SNX10: variants seen among roughly 807,000 people sequenced by gnomAD.
SNX10 encodes sorting nexin 10, also known as sorting nexin-10.
SNX10 carries 25 observed loss-of-function variants against 28.5 expected under a neutral mutation model. The observed-to-expected ratio is 0.88, with a 90% CI of 0.64 to 1.22. SNX10 has a LOEUF of 1.22. Among genes scored for constraint, SNX10 ranks in the 50% most tolerant of loss-of-function variants. The probability of loss-of-function intolerance (pLI) is 0.00; values close to 1 mark genes in which losing one functional copy is unlikely to be tolerated. For missense variants in SNX10, 223 were observed against 242.6 expected, an observed-to-expected ratio of 0.92 and a Z score of 0.54; for synonymous variants, 62 against 81.4, an observed-to-expected ratio of 0.76 and a Z score of 1.28.
At chr7:26,311,482 T>TA (rs1309306175) in intron 1 of SNX10, among the ~76,000 whole-genome samples, 3 of 152,208 alleles carry the variant, frequency 2.0e-5, no homozygotes, top group African/African-American at 7.2e-5. Context: ...AGGCATAAGA[T>TA]ACTCTTGTAG....
chr7:26,298,650 G>A (rs780228700), intron 1 of SNX10, among the ~76,000 whole-genome samples: 4 of 152,118 alleles, frequency 2.6e-5, no homozygotes, highest in Non-Finnish European at 4.4e-5. Context: ...GAGCCAAAAT[G>A]GAAAATGTTC....
intron 1 of SNX10, among the ~76,000 whole-genome samples, chr7:26,305,608 A>T (rs1786557813): frequency 1.3e-5 from 2 of 152,174 alleles, no homozygotes; most frequent in South Asian, 4.1e-4. Context: ...TCAGACCCTG[A>T]GAAACTGAGC....
At chr7:26,369,561 A>G (rs969935349) in intron 5 of SNX10, among the ~76,000 whole-genome samples, 7 of 152,160 alleles carry the variant, frequency 4.6e-5, no homozygotes, top group Non-Finnish European at 7.4e-5. Context: ...AGAGAAACAG[A>G]GGAGATTCCA....
At chr7:26,363,022 G>C (rs565648843) in intron 3 of SNX10, among the ~76,000 whole-genome samples, 1 of 152,180 alleles carries the variant, frequency 6.6e-6, no homozygotes, top group East Asian at 1.9e-4. Context: ...TGGTGGTCTG[G>C]GATTCTTTAG....
intron 1 of SNX10, among the ~76,000 whole-genome samples, chr7:26,320,237 C>T (rs575470047): frequency 6.6e-6 from 1 of 152,042 alleles, no homozygotes; most frequent in Non-Finnish European, 1.5e-5. Context: ...CTGCCTCGCC[C>T]TCCCAAAGTA....
intron 1 of SNX10, among the ~76,000 whole-genome samples, chr7:26,330,774 A>G (rs1787716682): frequency 6.6e-6 from 1 of 152,068 alleles, no homozygotes; most frequent in African/African-American, 2.4e-5. Flanking sequence ...AGTCGCAGCT[A>G]CTCGGGAGGC....
At chr7:26,316,132 C>T (rs534592692) in intron 1 of SNX10, among the ~76,000 whole-genome samples, 36 of 148,576 alleles carry the variant, frequency 2.4e-4, no homozygotes, top group East Asian at 1.2e-3. Context: ...TGCAGTGAGC[C>T]GAGATCGCAC....
intron 1 of SNX10, among the ~76,000 whole-genome samples, chr7:26,319,707 C>T (rs546630947): frequency 4.8e-4 from 73 of 152,190 alleles, no homozygotes; most frequent in East Asian, 1.3e-3. Flanking sequence ...TTTCTTCTAA[C>T]GCAAACCCTG....
intron 1 of SNX10, among the ~76,000 whole-genome samples, chr7:26,329,688 T>A (rs1468473623): frequency 6.6e-6 from 1 of 152,148 alleles, no homozygotes; most frequent in Non-Finnish European, 1.5e-5. Flanking sequence ...AGGAACCTGC[T>A]TGAGGAACAA....
chr7:26,310,284 T>C (rs1004548150), intron 1 of SNX10, among the ~76,000 whole-genome samples: 5 of 152,210 alleles, frequency 3.3e-5, no homozygotes, highest in African/African-American at 4.8e-5. Context: ...CTGGAACTCA[T>C]TCAATCAAAT....
chr7:26,345,915 T>C (rs1788367078), intron 1 of SNX10, among the ~76,000 whole-genome samples: 1 of 152,068 alleles, frequency 6.6e-6, no homozygotes, highest in African/African-American at 2.4e-5. Flanking sequence ...AGAGTCAAGG[T>C]CCTGGCTTTA....
chr7:26,307,312 C>G (rs544655947), intron 1 of SNX10, among the ~76,000 whole-genome samples: 1 of 152,326 alleles, frequency 6.6e-6, no homozygotes, highest in South Asian at 2.1e-4. Flanking sequence ...TCTTTCTTAC[C>G]TCTCAAAACA....
At position 26,292,836 on chromosome 7, in the gene SNX10, A is replaced by C. The variant is rs77251088; in HGVS notation, c.-24+750A>C. 2.6e-5 allele frequency among the ~76,000 whole-genome samples: 4 copies of C among 152,364 alleles called. No homozygotes were observed. The East Asian group carries it at 7.7e-4, about 29-fold the overall frequency. Reference sequence around the variant, plus strand: ...TTTCATTTTACAGACAGGGAGGCTAAGGCCGAGGGACGCTGAGTGTTGGGA... The same window carrying C: ...TTTCATTTTACAGACAGGGAGGCTACGGCCGAGGGACGCTGAGTGTTGGGA... On this transcript the variant is annotated intron_variant, in intron 1 of 6. Coordinates refer to ENST00000338523, the MANE Select transcript of SNX10 (RefSeq NM_013322.3).
intron 2 of SNX10, 162 bp from the exon 3 acceptor site, chr7:26,360,813 T>G: frequency 6.9e-7 from 1 of 1,445,262 alleles, no homozygotes; most frequent in Non-Finnish European, 9.0e-7. Flanking sequence ...TTGCTCGTGG[T>G]GCCTGATTCA....
chr7:26,362,909 C>T (rs1357385302), intron 3 of SNX10, among the ~76,000 whole-genome samples: 1 of 151,904 alleles, frequency 6.6e-6, no homozygotes, highest in Non-Finnish European at 1.5e-5. Flanking sequence ...GGTGTAGGTA[C>T]CAGGTGGATT....
At chr7:26,324,233 C>T (rs778346419) in intron 1 of SNX10, among the ~76,000 whole-genome samples, 3 of 151,340 alleles carry the variant, frequency 2.0e-5, no homozygotes, top group Admixed American at 6.6e-5. Flanking sequence ...CTTGTGAAAA[C>T]GCTTATGATT....
chr7:26,325,831 G>T (rs557687162), intron 1 of SNX10, among the ~76,000 whole-genome samples: 1 of 150,870 alleles, frequency 6.6e-6, no homozygotes, highest in South Asian at 2.1e-4. Flanking sequence ...GGGTTCCAGC[G>T]ATTCTCCTGC....
At chr7:26,314,770 C>T (rs993950913) in intron 1 of SNX10, among the ~76,000 whole-genome samples, 13 of 151,834 alleles carry the variant, frequency 8.6e-5, no homozygotes, top group Admixed American at 5.9e-4. Context: ...GAGGCTGAGG[C>T]GGGCGGATCA....
At position 26,357,807 on chromosome 7, in the gene SNX10, A is replaced by C. The variant is rs570250472; in HGVS notation, c.25-3168A>C. Among the ~76,000 whole-genome samples the C allele has an allele frequency of 1.2e-3, 186 of 151,956 alleles. 1 individual carries two copies. Among genetic ancestry groups the C allele is most frequent in the Non-Finnish European group, 2.1e-3 (145 of 67,960 alleles). ...GGTTTCTAGCTGGGGTTGGTGGGAG[A>C]TGCTCTTCACTGAGAAGGGGAGCAG... On this transcript the variant is annotated intron_variant, in intron 2 of 6. Transcript: ENST00000338523.
Sources: allele counts gnomAD v4.1 joint callset (sites outside exome capture counted in the v4.1 genomes callset), GRCh38; gene constraint gnomAD v4.1.1; transcripts MANE v1.5; gene names NCBI Gene and HGNC (gene_info 2026-07-23, HGNC 2026-07-21).